Variants in ZNF568 observed in about 807,000 individuals in gnomAD.
The protein encoded by ZNF568 is zinc finger protein 568, also known as p53 inhibitor of SCO2 activation.
ZNF568 carries 11 observed loss-of-function variants against 18.1 expected under a neutral mutation model. The observed-to-expected ratio is 0.61, with a 90% CI of 0.38 to 1.00. The LOEUF (loss-of-function observed/expected upper bound fraction) is 1.00. ZNF568 is among the 50% of genes least tolerant of loss of function. The pLI, the probability that ZNF568 is intolerant of heterozygous loss-of-function variation, is 0.01. For synonymous variants in ZNF568, 213 were observed against 246.6 expected, an observed-to-expected ratio of 0.86 and a Z score of 1.28; for missense variants, 639 against 768.2, an observed-to-expected ratio of 0.83 and a Z score of 1.99.
intron 2 of ZNF568, among the ~76,000 whole-genome samples, chr19:36,920,816 T>C (rs1331868236): frequency 6.6e-6 from 1 of 152,038 alleles, no homozygotes; most frequent in East Asian, 1.9e-4. Flanking sequence ...AACTTCCAGT[T>C]CTGCAAGTTT....
rs963457153 is a variant in ZNF568 at position 36,920,388 on chromosome 19, C to A, written c.-185-2198C>A. On this transcript the variant is annotated intron_variant, in intron 2 of 6. Transcript: ENST00000333987. ...CTATAATCCCAGCACTTTGGGAGGC[C>A]GAGGCGGGTGGATTACAGGAGGTCA... Among the ~76,000 whole-genome samples the A allele has an allele frequency of 2.3e-4, 35 of 151,862 alleles. 1 individual carries two copies. The highest frequency in any genetic ancestry group is 7.0e-4 in the African/African-American group (29 of 41,330).
At chr19:36,966,818 A>C (rs2074198393) in intron 6 of ZNF568, among the ~76,000 whole-genome samples, 1 of 152,238 alleles carries the variant, frequency 6.6e-6, no homozygotes, top group African/African-American at 2.4e-5. Flanking sequence ...CAGAGCATGC[A>C]GTCTCTTGGA....
chr19:36,928,987 TATTTGAGCCGAGTCTAG>T (rs1418956010), intron 4 of ZNF568, among the ~76,000 whole-genome samples: 2 of 152,282 alleles, frequency 1.3e-5, no homozygotes, highest in East Asian at 3.9e-4. Context: ...TAGACAAGTT[TATTTGAGCCGAGTCTAG>T]AATACATTTG....
At chr19:36,929,133 T>A (rs116360545) in intron 4 of ZNF568, among the ~76,000 whole-genome samples, 2,582 of 152,038 alleles carry the variant, frequency 0.017, 31 homozygotes, top group African/African-American at 0.036. Flanking sequence ...GAAAAAAAAA[T>A]TTTATAAAAA....
chr19:36,922,456 T>C (rs913739527), intron 2 of ZNF568, 130 bp from the exon 3 acceptor site: 1 of 246,406 alleles, frequency 4.1e-6, no homozygotes, highest in Non-Finnish European at 7.8e-6. Flanking sequence ...AAGGTACTCA[T>C]GGTGGGAGGG....
intron 6 of ZNF568, among the ~76,000 whole-genome samples, chr19:36,941,692 T>A (rs969463552): frequency 1.3e-5 from 2 of 152,212 alleles, no homozygotes; most frequent in Admixed American, 6.5e-5. Flanking sequence ...TGACAGTTAA[T>A]CTAGGCAAAA....
chr19:36,925,731 C>T lies in ZNF568; in HGVS notation c.135+473C>T, dbSNP rs541682266. ...GTACTGAACATGTACAGACTTTTTT[C>T]TTGTCGTTTTCTAAACAACATAGTG... is the stretch of plus-strand genomic sequence containing the variant. On this transcript the variant is annotated intron_variant, in intron 4 of 6. Transcript: ENST00000333987. Among the ~76,000 whole-genome samples, 51 of 151,978 alleles carry T rather than the reference C, an allele frequency of 3.4e-4. 1 individual carries two copies. Among genetic ancestry groups the T allele is most frequent in the South Asian group, 1.0e-3 (5 of 4,804 alleles).
chr19:36,959,564 G>A (rs1444617977), intron 6 of ZNF568, among the ~76,000 whole-genome samples: 1 of 152,052 alleles, frequency 6.6e-6, no homozygotes, highest in Admixed American at 6.6e-5. Flanking sequence ...TTTATTTTTT[G>A]AAATAGTTTC....
At position 36,930,885 on chromosome 19, in the gene ZNF568, T is replaced by TA. The variant is rs1327117121; in HGVS notation, c.135+5633dup. Among the ~76,000 whole-genome samples, 4 of 152,212 alleles carry TA rather than the reference T, an allele frequency of 2.6e-5. No individual in the cohort carries two copies. In the South Asian group the frequency reaches 6.2e-4, roughly 24 times the overall value. ...TTGGATACCACAGCCTATTAACTGG[T>TA]AAAAAATATCTAAACCCAGCTCCGT... On this transcript the variant is annotated intron_variant, in intron 4 of 6. Transcript: ENST00000333987.
At chr19:36,962,475 G>A (rs778543698) in intron 6 of ZNF568, among the ~76,000 whole-genome samples, 1 of 151,368 alleles carries the variant, frequency 6.6e-6, no homozygotes, top group Non-Finnish European at 1.5e-5. Flanking sequence ...CAAGTAGCTG[G>A]GATTAGAGGC....
intron 4 of ZNF568, among the ~76,000 whole-genome samples, chr19:36,992,130 C>T (rs780958770): frequency 7.9e-5 from 12 of 151,346 alleles, no homozygotes; most frequent in Non-Finnish European, 1.5e-4. Flanking sequence ...GTAATCCCAC[C>T]TACTCAGGAG....
chr19:36,954,572 CT>C (rs11442560), downstream of ZNF568, among the ~76,000 whole-genome samples: 51,800 of 142,972 alleles, frequency 0.36, 9,128 homozygotes, highest in African/African-American at 0.45. Flanking sequence ...TATGTGTAAA[CT>C]TTTTTTTTTT....
At chr19:36,946,924 G>A in intron 6 of ZNF568, among the ~76,000 whole-genome samples, 1 of 152,026 alleles carries the variant, frequency 6.6e-6, no homozygotes, top group Admixed American at 6.6e-5. Context: ...GGGATTACAG[G>A]CTTGAGCCAC....
chr19:36,946,691 T>C (rs1469762936), intron 6 of ZNF568, among the ~76,000 whole-genome samples: 1 of 140,940 alleles, frequency 7.1e-6, no homozygotes, highest in Non-Finnish European at 1.5e-5. Flanking sequence ...TCGCTCTTGT[T>C]GCCCAGGCTG....
At chr19:36,976,807 G>A (rs919928623) in intron 7 of ZNF568, among the ~76,000 whole-genome samples, 33 of 152,178 alleles carry the variant, frequency 2.2e-4, no homozygotes, top group African/African-American at 8.0e-4. Context: ...CTACTCGGGA[G>A]GCTGAGGCAG....
intron 6 of ZNF568, among the ~76,000 whole-genome samples, chr19:36,962,278 T>TTA (rs771740799): frequency 0.23 from 901 of 3,882 alleles, 39 homozygotes; most frequent in Admixed American, 0.39. Context: ...TGTTGCAGTG[T>TTA]TTTTTTTTTT....
intron 6 of ZNF568, among the ~76,000 whole-genome samples, chr19:36,968,372 A>C (rs559068673): frequency 3.3e-5 from 5 of 152,082 alleles, no homozygotes; most frequent in African/African-American, 1.2e-4. Flanking sequence ...CAGGAGATCA[A>C]GACCAGCCTG....
At chr19:36,973,732 G>C (rs1297745996) in intron 6 of ZNF568, 1 of 153,034 alleles carries the variant, frequency 6.5e-6, no homozygotes. Context: ...CTGTCTGCAC[G>C]GTATTCTGTG....
chr19:36,937,120 C>A, intron 5 of ZNF568, 27 bp from the exon 6 acceptor site: 1 of 1,604,938 alleles, frequency 6.2e-7, no homozygotes, highest in South Asian at 1.1e-5. Context: ...CATTGACATC[C>A]ACATCCTTTG....
Sources: allele counts gnomAD v4.1 joint callset (sites outside exome capture counted in the v4.1 genomes callset), GRCh38; gene constraint gnomAD v4.1.1; transcripts MANE v1.5; gene names NCBI Gene and HGNC (gene_info 2026-07-23, HGNC 2026-07-21).